CTNNBL1: variants seen among roughly 807,000 people sequenced by gnomAD.
CTNNBL1 encodes catenin beta like 1.
A neutral mutation model predicts 72.7 loss-of-function variants in CTNNBL1; 31 were observed. That is an observed-to-expected ratio of 0.43 (90% CI 0.32 to 0.58). The LOEUF (loss-of-function observed/expected upper bound fraction) is 0.58. Among genes scored for constraint, CTNNBL1 ranks in the 20% least tolerant of loss-of-function variants. The probability of loss-of-function intolerance (pLI) is 0.08; values close to 1 mark genes in which losing one functional copy is unlikely to be tolerated. For synonymous variants in CTNNBL1, 240 were observed against 267.3 expected (o/e 0.90, Z 1.00); for missense variants, 534 against 725.1 (o/e 0.74, Z 3.03).
At chr20:37,792,598 T>C (rs762059820) in intron 10 of CTNNBL1, among the ~76,000 whole-genome samples, 22 of 152,226 alleles carry the variant, frequency 1.4e-4, no homozygotes, top group Non-Finnish European at 2.9e-4. Flanking sequence ...GAAATGCTCG[T>C]TGGAGCATTT....
At chr20:37,755,712 T>A (rs1365392406) in intron 4 of CTNNBL1, among the ~76,000 whole-genome samples, 2 of 152,200 alleles carry the variant, frequency 1.3e-5, no homozygotes, top group Non-Finnish European at 2.9e-5. Flanking sequence ...ATATTCTGCA[T>A]CTTTTATTTT....
At chr20:37,775,196 A>G (rs573392359) in intron 7 of CTNNBL1, among the ~76,000 whole-genome samples, 1 of 152,316 alleles carries the variant, frequency 6.6e-6, no homozygotes, top group African/African-American at 2.4e-5. Context: ...GAAAGAAAAA[A>G]TATTTTTATT....
At chr20:37,702,168 A>T (rs2072850589) in intron 1 of CTNNBL1, among the ~76,000 whole-genome samples, 1 of 152,214 alleles carries the variant, frequency 6.6e-6, no homozygotes, top group Non-Finnish European at 1.5e-5. Flanking sequence ...AGCGTGAGCC[A>T]CTGTGGCTGG....
intron 15 of CTNNBL1, among the ~76,000 whole-genome samples, chr20:37,863,099 T>C (rs1169672345): frequency 1.3e-5 from 2 of 152,216 alleles, no homozygotes; most frequent in Non-Finnish European, 2.9e-5. Flanking sequence ...AATGAAACCC[T>C]ACCCTTGTAT....
chr20:37,841,306 G>A (rs1228388214), intron 12 of CTNNBL1, among the ~76,000 whole-genome samples: 2 of 152,188 alleles, frequency 1.3e-5, no homozygotes, highest in Non-Finnish European at 2.9e-5. Context: ...AGGACACGGA[G>A]ATCTTAGTAG....
Position 37,707,815 on chromosome 20 carries a change from T to A in CTNNBL1, c.30+13663T>A, listed in dbSNP as rs2072900907. Reference sequence around the variant, plus strand: ...AAGCTTAATCATGTATAGCTTTTGATTTAAAGTGAGAGATGTGAGACTCTT... The same window carrying A: ...AAGCTTAATCATGTATAGCTTTTGAATTAAAGTGAGAGATGTGAGACTCTT... On this transcript the variant is annotated intron_variant, in intron 1 of 15. Transcript: ENST00000361383. 2.0e-5 allele frequency among the ~76,000 whole-genome samples: 3 copies of A among 152,226 alleles called. 1 individual carries two copies. Among genetic ancestry groups the A allele is most frequent in the Admixed American group, 2.0e-4 (3 of 15,284 alleles).
intron 6 of CTNNBL1, among the ~76,000 whole-genome samples, chr20:37,767,125 A>G (rs968365417): frequency 3.9e-5 from 6 of 152,168 alleles, no homozygotes; most frequent in East Asian, 3.9e-4. Context: ...TTCACACCCA[A>G]TGTGTTCTGG....
intron 10 of CTNNBL1, among the ~76,000 whole-genome samples, chr20:37,785,444 G>A (rs915812558): frequency 5.3e-5 from 8 of 151,986 alleles, no homozygotes; most frequent in Admixed American, 2.6e-4. Context: ...GGTGTGCTTC[G>A]TTCTTTCTTA....
intron 11 of CTNNBL1, among the ~76,000 whole-genome samples, chr20:37,828,397 T>G (rs78631648): frequency 6.6e-6 from 1 of 151,902 alleles, no homozygotes; most frequent in Non-Finnish European, 1.5e-5. Flanking sequence ...CTTTTTTTTT[T>G]AAAAATATGC....
At chr20:37,715,746 A>C (rs2072980579) in intron 1 of CTNNBL1, among the ~76,000 whole-genome samples, 2 of 152,332 alleles carry the variant, frequency 1.3e-5, no homozygotes, top group Middle Eastern at 6.8e-3. Flanking sequence ...AGGCTGCTTT[A>C]ACACAGGTGT....
intron 15 of CTNNBL1, among the ~76,000 whole-genome samples, chr20:37,868,289 G>A (rs1279614126): frequency 1.4e-5 from 1 of 72,848 alleles, no homozygotes; most frequent in Non-Finnish European, 2.9e-5. Context: ...GGTTTTTTAG[G>A]GGCCTTTTTT....
At chr20:37,722,348 C>T (rs546725408) in intron 1 of CTNNBL1, among the ~76,000 whole-genome samples, 1 of 152,148 alleles carries the variant, frequency 6.6e-6, no homozygotes, top group Non-Finnish European at 1.5e-5. Flanking sequence ...GTAGTGCACG[C>T]CTGTAGTCCC....
intron 13 of CTNNBL1, among the ~76,000 whole-genome samples, chr20:37,856,167 T>G (rs1311867885): frequency 2.1e-5 from 3 of 140,946 alleles, no homozygotes; most frequent in Admixed American, 7.4e-5. Context: ...AACCCGGCAC[T>G]CCAGCCTGGG....
chr20:37,819,034 C>T (rs551896484), intron 11 of CTNNBL1, among the ~76,000 whole-genome samples: 5 of 152,244 alleles, frequency 3.3e-5, no homozygotes, highest in Admixed American at 1.3e-4. Context: ...TTCATCTTTG[C>T]GTCATTTCCA....
intron 13 of CTNNBL1, among the ~76,000 whole-genome samples, chr20:37,849,816 G>A (rs1387802196): frequency 2.6e-5 from 4 of 152,208 alleles, no homozygotes; most frequent in Non-Finnish European, 5.9e-5. Flanking sequence ...TACCAGCTGG[G>A]TGATTACAAT....
intron 11 of CTNNBL1, among the ~76,000 whole-genome samples, chr20:37,821,837 T>C (rs954985762): frequency 6.6e-6 from 1 of 152,184 alleles, no homozygotes; most frequent in Admixed American, 6.5e-5. Context: ...CCTTGGCCTC[T>C]TGCCACAGCT....
At chr20:37,810,589 T>C (rs1191149306) in intron 11 of CTNNBL1, among the ~76,000 whole-genome samples, 1 of 152,168 alleles carries the variant, frequency 6.6e-6, no homozygotes, top group East Asian at 1.9e-4. Context: ...GACTCCAGAC[T>C]TCACACTATA....
intron 11 of CTNNBL1, among the ~76,000 whole-genome samples, chr20:37,837,191 T>C (rs2072262238): frequency 1.3e-5 from 2 of 152,286 alleles, no homozygotes; most frequent in South Asian, 4.1e-4. Flanking sequence ...GTTCCTTTCT[T>C]ATCCTACTTT....
chr20:37,701,050 A>G (rs2072837256), intron 1 of CTNNBL1, among the ~76,000 whole-genome samples: 1 of 152,214 alleles, frequency 6.6e-6, no homozygotes, highest in African/African-American at 2.4e-5. Context: ...GAGGAAAACT[A>G]TTATCCTAAT....
Sources: allele counts gnomAD v4.1 joint callset (sites outside exome capture counted in the v4.1 genomes callset), GRCh38; gene constraint gnomAD v4.1.1; transcripts MANE v1.5; gene names NCBI Gene and HGNC (gene_info 2026-07-23, HGNC 2026-07-21).